CIT: variants seen among roughly 807,000 people sequenced by gnomAD.
The protein encoded by CIT is citron rho-interacting serine/threonine kinase.
Under a neutral mutation model 272.7 loss-of-function variants are expected in CIT, and 79 were observed. The observed-to-expected ratio is 0.29, with a 90% CI of 0.24 to 0.35. The LOEUF (loss-of-function observed/expected upper bound fraction) is 0.35. Ranked by LOEUF, CIT falls within the 10% of genes least tolerant of loss-of-function variation. The pLI is 1.00. For synonymous variants in CIT, 948 were observed against 995.6 expected, an observed-to-expected ratio of 0.95 and a Z score of 0.90; for missense variants, 1,909 against 2,618.3, an observed-to-expected ratio of 0.73 and a Z score of 5.91.
In CIT at chr12:119,868,966, C is replaced by T. The variant is rs77173940; in HGVS notation, c.238+94G>A. 1,711 of 1,435,906 alleles carry T rather than the reference C, an allele frequency of 1.2e-3. 19 individuals are homozygous for T. In the African/African-American group the frequency reaches 0.022, roughly 18 times the overall value. 88.9% of individuals were successfully genotyped at this position (1,435,906 alleles called of 1,614,324 possible). On this transcript the variant is annotated intron_variant, in intron 3 of 47. Coordinates refer to ENST00000392521, the MANE Select transcript of CIT (RefSeq NM_001206999.2). ...TCTTATATAGAACCAGAGTTCTTAC[C>T]GACTACTATCAACCAGTAACTCATT...
In CIT at chr12:119,770,544, A is replaced by G. The variant is rs1352969772; in HGVS notation, c.2208+241T>C. Among the ~76,000 whole-genome samples, 1 of 142,362 alleles carries G rather than the reference A, an allele frequency of 7.0e-6. No homozygotes were observed. Among genetic ancestry groups the G allele is most frequent in the Non-Finnish European group, 1.5e-5 (1 of 65,314 alleles). 93.4% of individuals were successfully genotyped at this position (142,362 alleles called of 152,430 possible). On this transcript the variant is annotated intron_variant, in intron 18 of 47. Transcript: ENST00000392521. The surrounding 1 kb of genome is among the most constrained non-coding windows in gnomAD (Gnocchi z 4.4). The stretch of plus-strand genomic sequence containing the variant: ...CACGTTCCACTAAAAAAAAAAAAAA[A>G]GCCAGGCTGTAGCAAACAGAGCAAA...
intron 5 of CIT, among the ~76,000 whole-genome samples, chr12:119,837,324 G>A (rs1969083297): frequency 6.6e-6 from 1 of 152,232 alleles, no homozygotes; most frequent in South Asian, 2.1e-4. Context: ...GATGGCTTGT[G>A]TGTGGCCAAC....
At chr12:119,822,278 C>T (rs1311799741) in intron 9 of CIT, among the ~76,000 whole-genome samples, 1 of 152,202 alleles carries the variant, frequency 6.6e-6, no homozygotes, top group Non-Finnish European at 1.5e-5. Flanking sequence ...TCAGTTTGCA[C>T]TAACTGATTA....
chr12:119,757,552 G>A lies in CIT; in HGVS notation c.2532-7C>T. 1 of 1,549,160 alleles carries A rather than the reference G, an allele frequency of 6.5e-7. No individual in the cohort carries two copies. The highest frequency in any genetic ancestry group is 2.2e-5 in the East Asian group (1 of 44,738). On this transcript the variant is annotated splice_polypyrimidine_tract_variant and splice_region_variant and intron_variant, in intron 21 of 47. Coordinates refer to ENST00000392521, the MANE Select transcript of CIT (RefSeq NM_001206999.2). Reference sequence around the variant, plus strand: ...CATCTCTTCTTGGGCCTTCCTGGTGGGGGTGGTGGGAGGATCCAAACAAAA... The same window carrying A: ...CATCTCTTCTTGGGCCTTCCTGGTGAGGGTGGTGGGAGGATCCAAACAAAA...
chr12:119,870,876 T>G (rs1161554079), intron 2 of CIT, among the ~76,000 whole-genome samples: 1 of 151,920 alleles, frequency 6.6e-6, no homozygotes, highest in African/African-American at 2.4e-5. Flanking sequence ...ATTCCAACAC[T>G]TTGGGAGGCC....
At chr12:119,748,192 C>G (rs1959722219) in intron 23 of CIT, among the ~76,000 whole-genome samples, 1 of 152,110 alleles carries the variant, frequency 6.6e-6, no homozygotes, top group South Asian at 2.1e-4. Flanking sequence ...ACCATCTGAT[C>G]TTGGGAAACC....
chr12:119,769,549 C>T (rs1052738256), intron 18 of CIT, among the ~76,000 whole-genome samples: 2 of 152,070 alleles, frequency 1.3e-5, no homozygotes, highest in East Asian at 1.9e-4. Context: ...TTAACCACTC[C>T]GTTTATACCA....
intron 7 of CIT, among the ~76,000 whole-genome samples, chr12:119,829,927 G>T (rs1026480925): frequency 2.6e-5 from 4 of 152,026 alleles, no homozygotes; most frequent in South Asian, 4.2e-4. Flanking sequence ...TTGATTTGGG[G>T]TAAGTAATAT....
intron 22 of CIT, among the ~76,000 whole-genome samples, chr12:119,754,093 G>C (rs1054220282): frequency 6.6e-6 from 1 of 152,070 alleles, no homozygotes; most frequent in South Asian, 2.1e-4. Context: ...CAGCAAATAC[G>C]GTCCTCACAA....
At position 119,710,977 on chromosome 12, in the gene CIT, C is replaced by A; in HGVS notation, c.4855-357G>T. The A allele has an allele frequency of 8.1e-7, 1 of 1,235,046 alleles. No homozygotes were observed. The highest frequency in any genetic ancestry group is 1.2e-5 in the South Asian group (1 of 85,162). 76.5% of individuals were successfully genotyped at this position (1,235,046 alleles called of 1,614,324 possible). A position where few individuals can be genotyped will look rare whatever the true frequency, so the allele number is the denominator to read the frequency against. ...ATAAGACACATGAAAGACTCCTTCC[C>A]CCATAAGGCTGCAGCAGAAGTGCAA... On this transcript the variant is annotated intron_variant, in intron 37 of 47. Coordinates refer to ENST00000392521, the MANE Select transcript of CIT (RefSeq NM_001206999.2). The surrounding 1 kb of genome is among the most constrained non-coding windows in gnomAD (Gnocchi z 5.6).
chr12:119,715,276 GTGAAAATGGACTAA>G (rs1957398230), intron 32 of CIT, among the ~76,000 whole-genome samples: 1 of 152,110 alleles, frequency 6.6e-6, no homozygotes, highest in South Asian at 2.1e-4. Context: ...TATCAGCAGT[GTGAAAATGGACTAA>G]TGAAAATGGA....
At chr12:119,789,376 T>G (rs1005984097) in intron 10 of CIT, among the ~76,000 whole-genome samples, 1 of 152,204 alleles carries the variant, frequency 6.6e-6, no homozygotes, top group Non-Finnish European at 1.5e-5. Context: ...AAGAACCCAA[T>G]TTTGAAATTA....
intron 2 of CIT, among the ~76,000 whole-genome samples, chr12:119,874,569 T>C (rs1256647868): frequency 2.0e-5 from 3 of 152,208 alleles, no homozygotes; most frequent in Non-Finnish European, 4.4e-5. Context: ...TATTTGGAAG[T>C]AATCTTATGA....
At chr12:119,830,843 A>AT (rs1254327008) in intron 7 of CIT, among the ~76,000 whole-genome samples, 6 of 151,752 alleles carry the variant, frequency 4.0e-5, no homozygotes, top group African/African-American at 9.7e-5. Context: ...TAAATCCATG[A>AT]TTTTTTTTTA....
chr12:119,819,337 AACC>A (rs1223216797), intron 9 of CIT, among the ~76,000 whole-genome samples: 1 of 152,174 alleles, frequency 6.6e-6, no homozygotes, highest in South Asian at 2.1e-4. Context: ...TGCCTGCAGC[AACC>A]CCAAGAGGCA....
chr12:119,825,106 G>A lies in CIT; in HGVS notation c.957+59C>T, dbSNP rs147333274. 41 of 1,498,682 alleles carry A rather than the reference G, an allele frequency of 2.7e-5. No individual in the cohort carries two copies. The East Asian group carries it at 3.9e-4, about 14-fold the overall frequency. The allele number at this position is 1,498,682 out of a possible 1,614,324, so 92.8% of individuals were successfully genotyped here. On this transcript the variant is annotated intron_variant, in intron 8 of 47. Coordinates refer to ENST00000392521, the MANE Select transcript of CIT (RefSeq NM_001206999.2). ...TGAGCCACCACGCCCAGCCTCATTC[G>A]CACAATTTTTAAATAACGTTTCTCA...
At chr12:119,779,316 T>C (rs1964076530) in intron 13 of CIT, among the ~76,000 whole-genome samples, 1 of 152,154 alleles carries the variant, frequency 6.6e-6, no homozygotes, top group East Asian at 1.9e-4. Flanking sequence ...CAGAGCCATA[T>C]TATGGCTTTC....
chr12:119,824,139 T>C (rs1360931816), intron 8 of CIT, among the ~76,000 whole-genome samples: 5 of 112,158 alleles, frequency 4.5e-5, no homozygotes, highest in East Asian at 2.9e-4. Context: ...TATATATATA[T>C]ATACAGTAAA....
chr12:119,702,768 GA>G lies in CIT; in HGVS notation c.5305-811del, dbSNP rs11397834. Among the ~76,000 whole-genome samples, 100 of 151,100 alleles carry G rather than the reference GA, an allele frequency of 6.6e-4. 2 individuals are homozygous for G. In the East Asian group the frequency reaches 0.011, roughly 16 times the overall value. On this transcript the variant is annotated intron_variant, in intron 41 of 47. Coordinates refer to ENST00000392521, the MANE Select transcript of CIT (RefSeq NM_001206999.2). ...GAACAATACAACATTCTTATCACAG[GA>G]AAAAAAAATACAGGAAAAATACAAC...
Sources: allele counts gnomAD v4.1 joint callset (sites outside exome capture counted in the v4.1 genomes callset), GRCh38; gene constraint gnomAD v4.1.1; non-coding constraint Gnocchi (gnomAD v3.1); transcripts MANE v1.5; gene names NCBI Gene and HGNC (gene_info 2026-07-23, HGNC 2026-07-21).